The following C8B variants were observed in gnomAD, a reference collection of about 807,000 sequenced individuals.
C8B encodes complement component C8 beta chain.
In C8B, 67 loss-of-function variants were observed where a neutral mutation model predicts 64.6. That is an observed-to-expected ratio of 1.04 (90% CI 0.85 to 1.27). C8B has a LOEUF of 1.27. Among genes scored for constraint, C8B ranks in the 50% most tolerant of loss-of-function variants. The pLI, the probability that C8B is intolerant of heterozygous loss-of-function variation, is 0.00. For missense variants in C8B, 790 were observed against 725.2 expected (o/e 1.09, Z -1.03); for synonymous variants, 284 against 257.7 (o/e 1.10, Z -0.98).
chr1:56,933,039 G>A lies in C8B; in HGVS notation c.1552+296C>T, dbSNP rs542067475. Among the ~76,000 whole-genome samples, 4 of 152,288 alleles carry A rather than the reference G, an allele frequency of 2.6e-5. No homozygotes were observed. The South Asian group carries it at 8.3e-4, about 32-fold the overall frequency. ...TCTTATTATGTATTAGTCAGGACAT[G>A]CACAAAGGGCTTCTCCTACTCAGCC... On this transcript the variant is annotated intron_variant, in intron 10 of 11. Transcript: ENST00000371237.
intron 4 of C8B, 63 bp from the exon 5 acceptor site, chr1:56,952,243 C>G: frequency 6.2e-7 from 1 of 1,607,176 alleles, no homozygotes; most frequent in Non-Finnish European, 8.5e-7. Context: ...TCTTGACTGT[C>G]AGACCCTACT....
intron 5 of C8B, among the ~76,000 whole-genome samples, chr1:56,950,123 A>C (rs1645000033): frequency 6.6e-6 from 1 of 152,232 alleles, no homozygotes; most frequent in Non-Finnish European, 1.5e-5. Flanking sequence ...TGAAACAGCG[A>C]GGAGAAAAAG....
rs1225341184 is a variant in C8B, at chr1:56,943,755, A to C, written c.1175T>G (p.Val392Gly). 1 of 1,613,922 alleles carries C rather than the reference A, an allele frequency of 6.2e-7. No individual in the cohort carries two copies. Among genetic ancestry groups the C allele is most frequent in the African/African-American group, 1.3e-5 (1 of 74,890 alleles). ...TACAGACACACCCAGACTGACGTAG[A>C]CCTCTTCAATGGCACCACCAATTTT... is the stretch of plus-strand genomic sequence containing the variant. ...DFKIGGAIEE[V>G]YVSLGVSVGK... is the part of the protein sequence containing the mutation. Residue 392 changes from valine (V) to glycine (G), a missense_variant, in exon 8 of 12, where the codon GTC becomes GGC. Transcript: ENST00000371237.
At chr1:56,949,317 CT>C (rs988615440) in intron 6 of C8B, among the ~76,000 whole-genome samples, 10 of 152,124 alleles carry the variant, frequency 6.6e-5, no homozygotes, top group Admixed American at 2.6e-4. Context: ...GTTCAGCCCC[CT>C]TTTTTCTGTC....
intron 1 of C8B, among the ~76,000 whole-genome samples, chr1:56,961,820 A>G (rs905279180): frequency 6.6e-6 from 1 of 152,168 alleles, no homozygotes; most frequent in Non-Finnish European, 1.5e-5. Flanking sequence ...TCAATTGCCT[A>G]GTAAAGCTGG....
intron 1 of C8B, 22 bp from the exon 2 acceptor site, chr1:56,960,198 G>T: frequency 6.2e-7 from 1 of 1,611,320 alleles, no homozygotes; most frequent in Non-Finnish European, 8.5e-7. Flanking sequence ...TATGAGAGAA[G>T]AGAGTCACGT....
chr1:56,951,648 C>A (rs1319787608), intron 5 of C8B, among the ~76,000 whole-genome samples: 1 of 152,202 alleles, frequency 6.6e-6, no homozygotes, highest in Non-Finnish European at 1.5e-5. Flanking sequence ...TAAATACTTA[C>A]ACACATTATC....
At chr1:56,941,365 G>A (rs1235300803) in intron 8 of C8B, among the ~76,000 whole-genome samples, 1 of 152,152 alleles carries the variant, frequency 6.6e-6, no homozygotes, top group African/African-American at 2.4e-5. Context: ...CTGGTAAATA[G>A]GTAGGTAGAT....
At position 56,945,949 on chromosome 1, in the gene C8B, AG is replaced by A. The variant is rs1644934822; in HGVS notation, c.976del (p.Leu326TrpfsTer35). Reference sequence around the variant, plus strand: ...TCTGTATTCCCCGTAGCTGTACTCCAGGGGCAGCCGCTTAACTCTCTGAAGG... The same window carrying A: ...TCTGTATTCCCCGTAGCTGTACTCCAGGGCAGCCGCTTAACTCTCTGAAGG... Reference protein sequence around the residue: ...EFLQRVKRLPLEYSYGEYRDL... With the variant: ...EFLQRVKRLPXEYSYGEYRDL... On this transcript the variant is annotated frameshift_variant, in exon 7 of 12. Transcript: ENST00000371237. LOFTEE classifies it high-confidence loss of function. 6.2e-7 allele frequency: 1 copy of A among 1,613,994 alleles called. No individual in the cohort carries two copies. The highest frequency in any genetic ancestry group is 8.5e-7 in the Non-Finnish European group (1 of 1,180,010).
At position 56,954,735 on chromosome 1, in the gene C8B, A is replaced by ATG; in HGVS notation, c.483_484insCA (p.Cys162HisfsTer19). The ATG allele has an allele frequency of 6.2e-7, 1 of 1,614,120 alleles. No homozygotes were observed. The highest frequency in any genetic ancestry group is 8.5e-7 in the Non-Finnish European group (1 of 1,179,990). On this transcript the variant is annotated frameshift_variant, in exon 4 of 12. Coordinates refer to ENST00000371237, the MANE Select transcript of C8B (RefSeq NM_000066.4). LOFTEE classifies it high-confidence loss of function. ...CAGTATTGGTCCATTTCATGCTGAC[A>ATG]TTTTTTATAAATCCTTCTACAGTTT...
In C8B at chr1:56,944,398, T is replaced by TA. The variant is rs148077938; in HGVS notation, c.1106-575dup. Among the ~76,000 whole-genome samples the TA allele has an allele frequency of 4.5e-3, 692 of 152,306 alleles. 4 individuals carry two copies. Among genetic ancestry groups the TA allele is most frequent in the African/African-American group, 0.016 (652 of 41,570 alleles). On this transcript the variant is annotated intron_variant, in intron 7 of 11. Coordinates refer to ENST00000371237, the MANE Select transcript of C8B (RefSeq NM_000066.4). Reference sequence around the variant, plus strand: ...TCTTGCTGAAATTCCAGACGTGACTTATAAGCACCTCTCTAAGCACTCTGA... The same window carrying TA: ...TCTTGCTGAAATTCCAGACGTGACTTAATAAGCACCTCTCTAAGCACTCTGA...
intron 1 of C8B, among the ~76,000 whole-genome samples, chr1:56,963,341 CACA>C (rs1645204953): frequency 6.6e-6 from 1 of 152,200 alleles, no homozygotes; most frequent in South Asian, 2.1e-4. Context: ...AATGCCCTGA[CACA>C]ACAACTTTCT....
chr1:56,945,688 A>C (rs1473258839), intron 7 of C8B, 133 bp downstream of exon 7: 1 of 1,161,882 alleles, frequency 8.6e-7, no homozygotes, highest in African/African-American at 1.5e-5. Flanking sequence ...ATTGTCAATC[A>C]AAAAGAAGAG....
intron 7 of C8B, 55 bp from the exon 8 acceptor site, chr1:56,943,879 T>A: frequency 1.2e-6 from 2 of 1,600,118 alleles, no homozygotes; most frequent in Non-Finnish European, 1.7e-6. Flanking sequence ...ACTCTGTCCC[T>A]TTTCCTATGA....
In C8B at chr1:56,960,188, T is replaced by C. The variant is rs1259639513; in HGVS notation, c.93-12A>G. On this transcript the variant is annotated splice_polypyrimidine_tract_variant and intron_variant, in intron 1 of 11. Transcript: ENST00000371237. ...GTGGCCTTTCACCTCTAAAAGTCATTATGAGAGAAGAGAGTCACGTATCAG... is the reference window on the plus strand; with the variant it reads ...GTGGCCTTTCACCTCTAAAAGTCATCATGAGAGAAGAGAGTCACGTATCAG... 1.2e-6 allele frequency: 2 copies of C among 1,613,640 alleles called. No homozygotes were observed. Among genetic ancestry groups the C allele is most frequent in the Non-Finnish European group, 8.5e-7 (1 of 1,179,696 alleles).
At position 56,960,193 on chromosome 1, in the gene C8B, G is replaced by A. The variant is rs1645157935; in HGVS notation, c.93-17C>T. On this transcript the variant is annotated splice_polypyrimidine_tract_variant and intron_variant, in intron 1 of 11. Transcript: ENST00000371237. ...CTTTCACCTCTAAAAGTCATTATGAGAGAAGAGAGTCACGTATCAGAAGGG... is the reference window on the plus strand; with the variant it reads ...CTTTCACCTCTAAAAGTCATTATGAAAGAAGAGAGTCACGTATCAGAAGGG... 6.2e-7 allele frequency: 1 copy of A among 1,612,954 alleles called. No individual in the cohort carries two copies. The highest frequency in any genetic ancestry group is 8.5e-7 in the Non-Finnish European group (1 of 1,179,210).
intron 5 of C8B, 85 bp downstream of exon 5, chr1:56,951,963 T>A (rs1645026169): frequency 2.5e-6 from 1 of 397,198 alleles, no homozygotes; most frequent in Non-Finnish European, 3.8e-6. Context: ...AGAAAAGGGC[T>A]AGCAGGCTGT....
At position 56,954,792 on chromosome 1, in the gene C8B, C is replaced by T. The variant is rs1351690262; in HGVS notation, c.427G>A (p.Asp143Asn). Residue 143 changes from aspartate (D) to asparagine (N), a missense_variant, in exon 4 of 12, where the codon GAC becomes AAC. By Grantham distance (23) the Asp-to-Asn change is conservative. Transcript: ENST00000371237. ...TCTGACTGGTCTCCACAGTCATTGT[C>T]CCCATTGCAAAGAAGTCTGCGGTTT... Reference protein sequence around the residue: ...CVNRRLLCNGDNDCGDQSDEA... With the variant: ...CVNRRLLCNGNNDCGDQSDEA... 1 of 1,614,020 alleles carries T rather than the reference C, an allele frequency of 6.2e-7. No homozygotes were observed. Among genetic ancestry groups the T allele is most frequent in the East Asian group, 2.2e-5 (1 of 44,896 alleles).
At chr1:56,951,960 G>GTCACACA (rs138791380) in intron 5 of C8B, 88 bp downstream of exon 5, 5 of 1,359,746 alleles carry the variant, frequency 3.7e-6, no homozygotes, top group Non-Finnish European at 4.2e-6. Context: ...AAGAGAAAAG[G>GTCACACA]GCTAGCAGGC....
Sources: allele counts gnomAD v4.1 joint callset (sites outside exome capture counted in the v4.1 genomes callset), GRCh38; gene constraint gnomAD v4.1.1; transcripts MANE v1.5; gene names NCBI Gene and HGNC (gene_info 2026-07-23, HGNC 2026-07-21).